Variants in PRKD1 observed in about 807,000 individuals in gnomAD.
The protein encoded by PRKD1 is serine/threonine-protein kinase D1.
A neutral mutation model predicts 95.9 loss-of-function variants in PRKD1; 63 were observed. The observed-to-expected ratio is 0.66, with a 90% confidence interval of 0.54 to 0.81. PRKD1 has a LOEUF of 0.81. PRKD1 is among the 30% of genes least tolerant of loss of function. The pLI is 0.00. For missense variants in PRKD1, 1,048 were observed against 1,165.3 expected, an observed-to-expected ratio of 0.90 and a Z score of 1.47; for synonymous variants, 425 against 423.1, an observed-to-expected ratio of 1.00 and a Z score of -0.05.
intron 1 of PRKD1, among the ~76,000 whole-genome samples, chr14:29,730,647 A>C (rs1176774148): frequency 6.6e-6 from 1 of 152,154 alleles, no homozygotes; most frequent in Non-Finnish European, 1.5e-5. Flanking sequence ...GAATAAATAT[A>C]TATAGAAAAT....
At chr14:29,753,649 A>G (rs1002089344) in intron 1 of PRKD1, among the ~76,000 whole-genome samples, 8 of 151,970 alleles carry the variant, frequency 5.3e-5, no homozygotes, top group Non-Finnish European at 1.2e-4. Context: ...ATAATGTTTC[A>G]TGTGTATCTT....
intron 2 of PRKD1, among the ~76,000 whole-genome samples, chr14:29,687,253 T>A (rs1424740476): frequency 2.0e-5 from 3 of 152,148 alleles, no homozygotes; most frequent in Non-Finnish European, 4.4e-5. Flanking sequence ...TCTCTTATGA[T>A]GATGTATGAG....
rs138052913 is a variant in PRKD1 at position 29,634,861 on chromosome 14, G to A, written c.1191-320C>T. 3.2e-3 allele frequency among the ~76,000 whole-genome samples: 483 copies of A among 152,024 alleles called. 3 individuals are homozygous for A. The highest frequency in any genetic ancestry group is 0.011 in the African/African-American group (453 of 41,484). The stretch of plus-strand genomic sequence containing the variant: ...AGCCTGGCCAAGATGGTGAAACCCC[G>A]TCTCTACTAAAAGTACAAAAAAAAT... On this transcript the variant is annotated intron_variant, in intron 7 of 17. Transcript: ENST00000331968.
chr14:29,852,897 C>G (rs941560328), intron 1 of PRKD1, among the ~76,000 whole-genome samples: 1 of 152,112 alleles, frequency 6.6e-6, no homozygotes, highest in African/African-American at 2.4e-5. Context: ...AGTAATTACT[C>G]TGAATGTAAG....
intron 1 of PRKD1, among the ~76,000 whole-genome samples, chr14:29,909,630 G>A (rs1594620787): frequency 6.6e-6 from 1 of 152,232 alleles, no homozygotes; most frequent in South Asian, 2.1e-4. Flanking sequence ...TTTATGTCTA[G>A]CTAAGGGATT....
chr14:29,869,451 A>C (rs971197199), intron 1 of PRKD1, among the ~76,000 whole-genome samples: 2 of 152,014 alleles, frequency 1.3e-5, no homozygotes, highest in East Asian at 1.9e-4. Flanking sequence ...AAGAAAAAAA[A>C]AAAAAGAAGA....
intron 2 of PRKD1, among the ~76,000 whole-genome samples, chr14:29,700,702 G>A (rs1487774831): frequency 6.6e-6 from 1 of 152,096 alleles, no homozygotes; most frequent in Non-Finnish European, 1.5e-5. Context: ...GGTAGACTTT[G>A]AGTAAAGCAG....
intron 1 of PRKD1, among the ~76,000 whole-genome samples, chr14:29,748,527 T>C (rs1292398041): frequency 6.6e-6 from 1 of 152,180 alleles, no homozygotes; most frequent in Non-Finnish European, 1.5e-5. Flanking sequence ...AAACTTTTGA[T>C]AGATATTAAG....
chr14:29,781,074 G>A (rs569001773), intron 1 of PRKD1, among the ~76,000 whole-genome samples: 152 of 145,370 alleles, frequency 1.0e-3, no homozygotes, highest in African/African-American at 3.7e-3. Context: ...TCACTCATAG[G>A]TGGGAATTGA....
intron 1 of PRKD1, among the ~76,000 whole-genome samples, chr14:29,862,276 A>T (rs989221984): frequency 2.0e-5 from 3 of 152,176 alleles, no homozygotes; most frequent in African/African-American, 4.8e-5. Context: ...GTTGACGGAC[A>T]CTTAGGTTTC....
chr14:29,614,996 G>A (rs1489065756), intron 13 of PRKD1, among the ~76,000 whole-genome samples: 6 of 151,554 alleles, frequency 4.0e-5, no homozygotes, highest in Non-Finnish European at 7.4e-5. Flanking sequence ...ACAGGCCCGA[G>A]CCACTATACC....
chr14:29,641,967 A>C (rs1880806067), intron 4 of PRKD1, among the ~76,000 whole-genome samples: 1 of 139,206 alleles, frequency 7.2e-6, no homozygotes, highest in Non-Finnish European at 1.5e-5. Context: ...GCAATGGGGC[A>C]TTCTCGGCTC....
At chr14:29,762,285 T>C (rs1405092132) in intron 1 of PRKD1, among the ~76,000 whole-genome samples, 2 of 152,176 alleles carry the variant, frequency 1.3e-5, no homozygotes, top group African/African-American at 2.4e-5. Flanking sequence ...GCATAAATAC[T>C]GTCATACTAC....
chr14:29,810,456 AAT>A (rs1159339597), intron 1 of PRKD1, among the ~76,000 whole-genome samples: 1 of 152,222 alleles, frequency 6.6e-6, no homozygotes, highest in East Asian at 1.9e-4. Context: ...CTAATACTTC[AAT>A]CTACATTTAC....
rs113748443 is a variant in PRKD1 at position 29,587,902 on chromosome 14, G to C, written c.2435-9542C>G. ...AATGTTAAACCCCAGTGGAGGTTCT[G>C]ACCACCATAATTCACTTTATCTTAT... On this transcript the variant is annotated intron_variant, in intron 16 of 17. Coordinates refer to ENST00000331968, the MANE Select transcript of PRKD1 (RefSeq NM_002742.3). Among the ~76,000 whole-genome samples the C allele has an allele frequency of 4.6e-3, 699 of 152,228 alleles. 5 individuals are homozygous for C. Among genetic ancestry groups the C allele is most frequent in the African/African-American group, 0.016 (673 of 41,536 alleles).
At chr14:29,692,785 T>G (rs899010737) in intron 2 of PRKD1, among the ~76,000 whole-genome samples, 11 of 152,174 alleles carry the variant, frequency 7.2e-5, no homozygotes, top group Non-Finnish European at 1.6e-4. Flanking sequence ...TGTCATCATG[T>G]CCTTATAGGG....
chr14:29,698,866 G>A (rs1281940791), intron 2 of PRKD1, among the ~76,000 whole-genome samples: 2 of 152,024 alleles, frequency 1.3e-5, no homozygotes, highest in African/African-American at 4.8e-5. Context: ...AAACTGTGTT[G>A]GGGATGAAGT....
intron 1 of PRKD1, among the ~76,000 whole-genome samples, chr14:29,905,072 A>G (rs1281482448): frequency 1.3e-5 from 2 of 152,230 alleles, no homozygotes; most frequent in Non-Finnish European, 2.9e-5. Context: ...TGGTCTGCCA[A>G]ATACATACCA....
chr14:29,910,113 C>G (rs1051356198), intron 1 of PRKD1, among the ~76,000 whole-genome samples: 3 of 152,148 alleles, frequency 2.0e-5, no homozygotes, highest in African/African-American at 7.2e-5. Context: ...AATCTTGTTG[C>G]TGCTCACTCT....
Sources: gnomAD v4.1 joint callset for allele counts (sites outside exome capture counted in the v4.1 genomes callset) on GRCh38, gnomAD v4.1.1 for gene constraint, MANE v1.5 for transcripts, NCBI Gene and HGNC (gene_info 2026-07-23, HGNC 2026-07-21) for gene names.